AAK1: variants seen among roughly 807,000 people sequenced by gnomAD.
AAK1 encodes the protein AP2 associated kinase 1.
Under a neutral mutation model 116.0 loss-of-function variants are expected in AAK1, and 37 were observed. The ratio of observed to expected loss-of-function variants is 0.32; its 90% CI spans 0.25 to 0.42. The LOEUF is 0.42. AAK1 is among the 10% of genes least tolerant of loss of function. The pLI is 1.00. For missense variants in AAK1, 919 were observed against 1,170.6 expected (o/e 0.79, Z 3.14); for synonymous variants, 458 against 439.9 (o/e 1.04, Z -0.51).
chr2:69,542,709 G>A (rs559637843), intron 4 of AAK1, 44 bp from the exon 5 acceptor site: 232 of 1,597,644 alleles, frequency 1.5e-4, no homozygotes, highest in Non-Finnish European at 1.7e-4. Context: ...ATAAACATTC[G>A]GACTTGTCAT....
At chr2:69,592,990 T>C (rs1183436936) in intron 2 of AAK1, among the ~76,000 whole-genome samples, 1 of 152,254 alleles carries the variant, frequency 6.6e-6, no homozygotes, top group African/African-American at 2.4e-5. Flanking sequence ...AAATGCATTT[T>C]CTCATTGACT....
At position 69,471,545 on chromosome 2, in the gene AAK1, C is replaced by A. The variant is rs1429341909; in HGVS notation, c.*4324G>T. ...TAGTTTTTCTGTTCTGCCAGGCAGC[C>A]TCTAATTTGCTTAACCCGGCACACT... On this transcript the variant is annotated 3_prime_UTR_variant, in exon 22 of 22. Coordinates refer to ENST00000409085, the MANE Select transcript of AAK1 (RefSeq NM_014911.5). 1.0e-6 allele frequency: 1 copy of A among 985,304 alleles called. No individual in the cohort carries two copies. Among genetic ancestry groups the A allele is most frequent in the Admixed American group, 6.2e-5 (1 of 16,260 alleles). The allele number at this position is 985,304 out of a possible 1,614,324, so 61.0% of individuals were successfully genotyped here. A position where few individuals can be genotyped will look rare whatever the true frequency, so the allele number is the denominator to read the frequency against.
chr2:69,520,358 C>CTTTTT (rs71397334), intron 11 of AAK1, among the ~76,000 whole-genome samples: 26 of 127,390 alleles, frequency 2.0e-4, no homozygotes, highest in Admixed American at 4.0e-4. Flanking sequence ...CAATTCTTTT[C>CTTTTT]TTTTTTTTTT....
intron 2 of AAK1, among the ~76,000 whole-genome samples, chr2:69,612,384 C>T (rs944853370): frequency 2.0e-5 from 3 of 152,154 alleles, no homozygotes; most frequent in Admixed American, 6.5e-5. Context: ...CTTAAACTTT[C>T]TCGGAAGTAA....
intron 2 of AAK1, among the ~76,000 whole-genome samples, chr2:69,568,059 C>T (rs1011348554): frequency 3.3e-5 from 5 of 152,112 alleles, no homozygotes; most frequent in African/African-American, 9.7e-5. Context: ...AGAGGTCAGC[C>T]GGAGGGAGCA....
chr2:69,640,095 T>C (rs1423511863), intron 2 of AAK1, among the ~76,000 whole-genome samples: 1 of 148,798 alleles, frequency 6.7e-6, no homozygotes, highest in Non-Finnish European at 1.5e-5. Flanking sequence ...CCCACATATA[T>C]ACATATGATG....
At chr2:69,534,495 A>C (rs1173084898) in intron 5 of AAK1, among the ~76,000 whole-genome samples, 1 of 152,254 alleles carries the variant, frequency 6.6e-6, no homozygotes, top group East Asian at 1.9e-4. Flanking sequence ...GAAGTGTCTA[A>C]ACACTAGCCA....
At chr2:69,580,169 A>G (rs904391281) in intron 2 of AAK1, among the ~76,000 whole-genome samples, 1 of 152,174 alleles carries the variant, frequency 6.6e-6, no homozygotes, top group South Asian at 2.1e-4. Flanking sequence ...GATCCTCCTC[A>G]TTTTTCTCCT....
Position 69,465,472 on chromosome 2 carries a change from G to C in AAK1, c.*10397C>G, listed in dbSNP as rs1471486732. The C allele has an allele frequency of 1.0e-5, 13 of 1,290,816 alleles. No individual in the cohort carries two copies. The highest frequency in any genetic ancestry group is 4.0e-6 in the Non-Finnish European group (4 of 988,878). 80.0% of individuals were successfully genotyped at this position (1,290,816 alleles called of 1,614,324 possible). On this transcript the variant is annotated 3_prime_UTR_variant, in exon 22 of 22. Transcript: ENST00000409085. ...GAAGGGAAGGGTGCTAGAGCAAATGGATCAGCAGCTGGCAGCTCCGTAGTC... is the reference window on the plus strand; with the variant it reads ...GAAGGGAAGGGTGCTAGAGCAAATGCATCAGCAGCTGGCAGCTCCGTAGTC...
chr2:69,509,618 A>C (rs1401206562), intron 13 of AAK1, 158 bp from the exon 14 acceptor site: 10 of 648,080 alleles, frequency 1.5e-5, no homozygotes, highest in Non-Finnish European at 2.4e-5. Flanking sequence ...AGAAAGAAAA[A>C]TCCAGGCTTT....
At chr2:69,599,202 T>C (rs1453032480) in intron 2 of AAK1, among the ~76,000 whole-genome samples, 1 of 152,180 alleles carries the variant, frequency 6.6e-6, no homozygotes, top group Non-Finnish European at 1.5e-5. Flanking sequence ...CTGAAACTAA[T>C]AAGACCAAAC....
intron 2 of AAK1, chr2:69,594,806 T>C (rs1673189091): frequency 4.4e-6 from 6 of 1,364,888 alleles, no homozygotes; most frequent in Middle Eastern, 4.0e-4. Flanking sequence ...TTGCCTCTTT[T>C]AATAGCCAGC....
intron 2 of AAK1, among the ~76,000 whole-genome samples, chr2:69,638,610 G>T (rs1456114788): frequency 6.6e-6 from 1 of 152,176 alleles, no homozygotes; most frequent in African/African-American, 2.4e-5. Context: ...GGGAGGAAAT[G>T]TGTACTGATG....
intron 2 of AAK1, among the ~76,000 whole-genome samples, chr2:69,629,560 A>G (rs1028291727): frequency 1.3e-5 from 2 of 152,226 alleles, no homozygotes; most frequent in African/African-American, 4.8e-5. Context: ...TATAAGATTC[A>G]ATAGTTCTTA....
At position 69,509,132 on chromosome 2, in the gene AAK1, T is replaced by C. The variant is rs1572906963; in HGVS notation, c.2006+99A>G. The stretch of plus-strand genomic sequence containing the variant: ...CAAGTACACACCACTGTATTTGCAT[T>C]ACACACATCTACACACTTATGCAAA... On this transcript the variant is annotated intron_variant, in intron 14 of 21. Coordinates refer to ENST00000409085, the MANE Select transcript of AAK1 (RefSeq NM_014911.5). 1.1e-5 allele frequency: 10 copies of C among 948,746 alleles called. No homozygotes were observed. The East Asian group carries it at 2.4e-4, about 23-fold the overall frequency. 58.8% of individuals were successfully genotyped at this position (948,746 alleles called of 1,614,324 possible).
chr2:69,581,605 A>C (rs1672547617), intron 2 of AAK1, among the ~76,000 whole-genome samples: 1 of 152,234 alleles, frequency 6.6e-6, no homozygotes, highest in Non-Finnish European at 1.5e-5. Context: ...GGGCTTCAAA[A>C]AAGGGAGTAA....
At chr2:69,577,971 G>C (rs1448415878) in intron 2 of AAK1, among the ~76,000 whole-genome samples, 1 of 152,164 alleles carries the variant, frequency 6.6e-6, no homozygotes, top group African/African-American at 2.4e-5. Flanking sequence ...AGTCTCCCAA[G>C]ACAACATGAT....
At chr2:69,531,968 C>T in intron 6 of AAK1, 73 bp downstream of exon 6, 1 of 1,586,416 alleles carries the variant, frequency 6.3e-7, no homozygotes, top group Non-Finnish European at 8.6e-7. Flanking sequence ...CCCTGACCTT[C>T]TCATCCATAA....
intron 2 of AAK1, among the ~76,000 whole-genome samples, chr2:69,573,991 T>C (rs972699415): frequency 6.7e-6 from 1 of 149,982 alleles, no homozygotes; most frequent in African/African-American, 2.5e-5. Context: ...CAAGACTCCA[T>C]CTCAAAATAA....
Sources: allele counts gnomAD v4.1 joint callset (sites outside exome capture counted in the v4.1 genomes callset), GRCh38; gene constraint gnomAD v4.1.1; transcripts MANE v1.5; gene names NCBI Gene and HGNC (gene_info 2026-07-23, HGNC 2026-07-21).